TMEFF2: variants seen among roughly 807,000 people sequenced by gnomAD.
The protein encoded by TMEFF2 is tomoregulin-2.
A neutral mutation model predicts 53.8 loss-of-function variants in TMEFF2; 28 were observed. The ratio of observed to expected loss-of-function variants is 0.52; its 90% CI spans 0.39 to 0.71. The LOEUF (loss-of-function observed/expected upper bound fraction) is 0.71. Among genes scored for constraint, TMEFF2 ranks in the 30% least tolerant of loss-of-function variants. The pLI, the probability that TMEFF2 is intolerant of heterozygous loss-of-function variation, is 0.00. For synonymous variants in TMEFF2, 162 were observed against 166.3 expected, an observed-to-expected ratio of 0.97 and a Z score of 0.20; for missense variants, 353 against 455.2, an observed-to-expected ratio of 0.78 and a Z score of 2.04.
intron 4 of TMEFF2, among the ~76,000 whole-genome samples, chr2:192,127,227 GA>G (rs556371619): frequency 1.5e-4 from 23 of 152,240 alleles, no homozygotes; most frequent in Non-Finnish European, 2.8e-4. Flanking sequence ...CAGCAAGAAG[GA>G]AAAACTGACT....
At chr2:192,013,087 A>C (rs1236499050) in intron 5 of TMEFF2, among the ~76,000 whole-genome samples, 22 of 152,338 alleles carry the variant, frequency 1.4e-4, no homozygotes, top group African/African-American at 4.8e-4. Context: ...TTTAAAATGT[A>C]AATGAGAATC....
chr2:192,175,550 TAA>T (rs985545941), intron 4 of TMEFF2, among the ~76,000 whole-genome samples: 7 of 151,478 alleles, frequency 4.6e-5, no homozygotes, highest in Non-Finnish European at 7.4e-5. Flanking sequence ...CAAATAAACA[TAA>T]ATTTAATTTG....
intron 7 of TMEFF2, among the ~76,000 whole-genome samples, chr2:191,961,302 C>T (rs6434520): frequency 0.69 from 104,205 of 151,946 alleles, 37,214 homozygotes; most frequent in East Asian, 0.91. Flanking sequence ...CACGCACATG[C>T]GAGTATTACA....
At chr2:192,167,186 C>T (rs4644972) in intron 4 of TMEFF2, among the ~76,000 whole-genome samples, 39,482 of 152,056 alleles carry the variant, frequency 0.26, 6,130 homozygotes, top group South Asian at 0.36. Flanking sequence ...TTTGTCTTAT[C>T]TGGCAAGAAC....
At chr2:192,068,946 A>G (rs1192643724) in intron 4 of TMEFF2, among the ~76,000 whole-genome samples, 1 of 150,980 alleles carries the variant, frequency 6.6e-6, no homozygotes, top group African/African-American at 2.4e-5. Flanking sequence ...TTTCCAGCCT[A>G]GTGTTGTTAC....
intron 5 of TMEFF2, among the ~76,000 whole-genome samples, chr2:192,055,067 CAT>C (rs879342501): frequency 8.5e-5 from 13 of 152,074 alleles, no homozygotes; most frequent in East Asian, 3.9e-4. Context: ...AAAAGAGACT[CAT>C]GTACATTTTT....
chr2:191,957,263 A>G (rs1029860816), intron 7 of TMEFF2, among the ~76,000 whole-genome samples: 1 of 148,564 alleles, frequency 6.7e-6, no homozygotes, highest in Non-Finnish European at 1.5e-5. Flanking sequence ...TGTTCATTTT[A>G]TGATAAAACT....
At chr2:192,183,302 T>G (rs1328809601) in intron 3 of TMEFF2, among the ~76,000 whole-genome samples, 1 of 152,024 alleles carries the variant, frequency 6.6e-6, no homozygotes, top group Non-Finnish European at 1.5e-5. Context: ...AAGATAATCT[T>G]TTAAAGAATA....
At chr2:191,990,436 T>TGTGTGTGTGTGTGTGTG (rs1553510906) in intron 7 of TMEFF2, among the ~76,000 whole-genome samples, 1 of 148,958 alleles carries the variant, frequency 6.7e-6, no homozygotes, top group Non-Finnish European at 1.5e-5. Context: ...TGTGTGTGTG[T>TGTGTGTGTGTGTGTGTG]TGTTTTTGTT....
intron 4 of TMEFF2, among the ~76,000 whole-genome samples, chr2:192,169,148 T>C (rs1425080313): frequency 6.6e-6 from 1 of 152,090 alleles, no homozygotes; most frequent in Non-Finnish European, 1.5e-5. Context: ...GAGGCACATA[T>C]AATACACAGA....
At chr2:192,055,774 CA>C (rs71405038) in intron 5 of TMEFF2, among the ~76,000 whole-genome samples, 7,637 of 42,586 alleles carry the variant, frequency 0.18, 116 homozygotes, top group East Asian at 0.26. Flanking sequence ...GACTCCATCT[CA>C]AAAAAAAAAA....
At chr2:192,154,670 C>T (rs748363451) in intron 4 of TMEFF2, among the ~76,000 whole-genome samples, 5 of 151,878 alleles carry the variant, frequency 3.3e-5, no homozygotes, top group African/African-American at 7.2e-5. Flanking sequence ...ATAGCAGGTA[C>T]GTTCTTTTCT....
At chr2:192,065,331 T>C (rs1688141908) in intron 4 of TMEFF2, among the ~76,000 whole-genome samples, 1 of 151,818 alleles carries the variant, frequency 6.6e-6, no homozygotes, top group Non-Finnish European at 1.5e-5. Context: ...TTAAATGCAG[T>C]ATAAATGTGC....
intron 4 of TMEFF2, 151 bp from the exon 5 acceptor site, chr2:192,057,926 T>C (rs1444635731): frequency 1.6e-5 from 10 of 635,258 alleles, no homozygotes; most frequent in East Asian, 8.3e-5. Context: ...CTCTTTTTTT[T>C]CCTCCAATTT....
intron 4 of TMEFF2, among the ~76,000 whole-genome samples, chr2:192,121,043 A>G (rs1158227058): frequency 6.6e-6 from 1 of 152,094 alleles, no homozygotes; most frequent in African/African-American, 2.4e-5. Flanking sequence ...CTGAACAAAC[A>G]TTTTTCTAGG....
At chr2:192,101,882 C>T (rs1036149232) in intron 4 of TMEFF2, among the ~76,000 whole-genome samples, 5 of 152,122 alleles carry the variant, frequency 3.3e-5, no homozygotes, top group Non-Finnish European at 5.9e-5. Context: ...ATGTTAACTC[C>T]GGTGACGATA....
intron 4 of TMEFF2, among the ~76,000 whole-genome samples, chr2:192,072,881 G>A (rs779435553): frequency 6.6e-6 from 1 of 151,784 alleles, no homozygotes; most frequent in Non-Finnish European, 1.5e-5. Flanking sequence ...CCTCTATATA[G>A]GAATACCTTC....
At chr2:192,121,264 C>T (rs1050330856) in intron 4 of TMEFF2, among the ~76,000 whole-genome samples, 1 of 152,038 alleles carries the variant, frequency 6.6e-6, no homozygotes, top group African/African-American at 2.4e-5. Context: ...TGTCAGATGC[C>T]ATAGTTTGAA....
At chr2:192,099,845 C>T (rs945141885) in intron 4 of TMEFF2, among the ~76,000 whole-genome samples, 2 of 140,670 alleles carry the variant, frequency 1.4e-5, no homozygotes, top group Non-Finnish European at 3.1e-5. Flanking sequence ...TCTGAATCAA[C>T]ATAGTTTGAC....
Sources: allele counts gnomAD v4.1 joint callset (sites outside exome capture counted in the v4.1 genomes callset), GRCh38; gene constraint gnomAD v4.1.1; transcripts MANE v1.5; gene names NCBI Gene and HGNC (gene_info 2026-07-23, HGNC 2026-07-21).